Variants in OSBPL6 observed in about 807,000 individuals in gnomAD.
OSBPL6 encodes oxysterol-binding protein-related protein 6.
In OSBPL6, 49 loss-of-function variants were observed where a neutral mutation model predicts 125.8. The observed-to-expected ratio is 0.39, with a 90% CI of 0.31 to 0.49. OSBPL6 has a LOEUF of 0.49. Ranked by LOEUF, OSBPL6 falls within the 20% of genes least tolerant of loss-of-function variation. The pLI, the probability that OSBPL6 is intolerant of heterozygous loss-of-function variation, is 0.88. For synonymous variants in OSBPL6, 394 were observed against 391.8 expected, an observed-to-expected ratio of 1.01 and a Z score of -0.07; for missense variants, 986 against 1,135.4, an observed-to-expected ratio of 0.87 and a Z score of 1.89.
At chr2:178,240,784 TCAC>T (rs2091258646) in intron 1 of OSBPL6, among the ~76,000 whole-genome samples, 3 of 152,156 alleles carry the variant, frequency 2.0e-5, no homozygotes, top group Non-Finnish European at 2.9e-5. Context: ...TGAGAACCAT[TCAC>T]ATAATCACTT....
intron 1 of OSBPL6, among the ~76,000 whole-genome samples, chr2:178,251,768 C>T (rs969489366): frequency 1.3e-5 from 2 of 152,154 alleles, no homozygotes; most frequent in African/African-American, 2.4e-5. Flanking sequence ...TAGGCACTGG[C>T]GCCAAATGGA....
intron 21 of OSBPL6, among the ~76,000 whole-genome samples, chr2:178,389,619 C>T (rs1695236388): frequency 6.6e-6 from 1 of 152,162 alleles, no homozygotes; most frequent in Admixed American, 6.5e-5. Flanking sequence ...TCCAACCCTG[C>T]CACTGTTATA....
At chr2:178,260,217 A>C (rs1429185138) in intron 1 of OSBPL6, among the ~76,000 whole-genome samples, 3 of 152,172 alleles carry the variant, frequency 2.0e-5, no homozygotes, top group African/African-American at 7.2e-5. Flanking sequence ...TGACCAATGA[A>C]TTGTTTTTTT....
intron 5 of OSBPL6, among the ~76,000 whole-genome samples, chr2:178,330,221 AC>A (rs35801783): frequency 0.26 from 40,054 of 152,122 alleles, 5,554 homozygotes; most frequent in Admixed American, 0.39. Context: ...AGAAATGGAA[AC>A]CACAGGAAAA....
In OSBPL6 at chr2:178,209,359, A is replaced by G. The variant is rs546971432; in HGVS notation, c.-351+14685A>G. Among the ~76,000 whole-genome samples the G allele has an allele frequency of 3.8e-5, 4 of 104,110 alleles. No homozygotes were observed. The South Asian group carries it at 1.2e-3, about 32-fold the overall frequency. The allele number at this position is 104,110 out of a possible 152,430, so 68.3% of individuals were successfully genotyped here. The stretch of plus-strand genomic sequence containing the variant: ...ACTTTATTTCCCTTTTCCTCTTTTT[A>G]TTTTCTGGGTTTTCAAAGAGGCAAT... On this transcript the variant is annotated intron_variant, in intron 1 of 24. Coordinates refer to ENST00000190611, the MANE Select transcript of OSBPL6 (RefSeq NM_032523.4).
intron 1 of OSBPL6, among the ~76,000 whole-genome samples, chr2:178,236,335 A>G (rs2091051365): frequency 6.6e-6 from 1 of 152,214 alleles, no homozygotes; most frequent in Admixed American, 6.5e-5. Context: ...CTTGGATGTA[A>G]AGTTTGGATT....
intron 1 of OSBPL6, among the ~76,000 whole-genome samples, chr2:178,258,198 T>C (rs2091946545): frequency 6.6e-6 from 1 of 152,068 alleles, no homozygotes; most frequent in East Asian, 1.9e-4. Flanking sequence ...CCTCCCCAAT[T>C]CAAGCGCTTC....
At chr2:178,267,164 G>C (rs962403382) in intron 1 of OSBPL6, among the ~76,000 whole-genome samples, 7 of 152,088 alleles carry the variant, frequency 4.6e-5, no homozygotes, top group Admixed American at 3.9e-4. Context: ...GACCAGCCTA[G>C]CCAACATGGG....
At chr2:178,321,242 A>G (rs539399611) in intron 3 of OSBPL6, among the ~76,000 whole-genome samples, 1 of 152,244 alleles carries the variant, frequency 6.6e-6, no homozygotes, top group Non-Finnish European at 1.5e-5. Context: ...AATTCCACAC[A>G]TTTTTGACTG....
At chr2:178,305,286 G>A (rs1686658313) in intron 2 of OSBPL6, among the ~76,000 whole-genome samples, 2 of 152,184 alleles carry the variant, frequency 1.3e-5, no homozygotes, top group Admixed American at 1.3e-4. Context: ...CTGTGTTGGA[G>A]ACAAGGCCAA....
chr2:178,308,548 C>T lies in OSBPL6; in HGVS notation c.102+2262C>T, dbSNP rs1282256114. Among the ~76,000 whole-genome samples the T allele has an allele frequency of 3.3e-5, 5 of 152,296 alleles. No homozygotes were observed. In the East Asian group the frequency reaches 9.6e-4, roughly 29 times the overall value. On this transcript the variant is annotated intron_variant, in intron 3 of 24. Transcript: ENST00000190611. ...GTGGTATCTTAATGCACATTATTTGCCTTTCCTTCTCAAGTTCTAATCGTA... is the reference window on the plus strand; with the variant it reads ...GTGGTATCTTAATGCACATTATTTGTCTTTCCTTCTCAAGTTCTAATCGTA...
intron 1 of OSBPL6, among the ~76,000 whole-genome samples, chr2:178,266,531 C>T (rs1409230007): frequency 2.0e-5 from 3 of 152,142 alleles, no homozygotes; most frequent in Non-Finnish European, 4.4e-5. Flanking sequence ...CAGCTTGCTC[C>T]GTCTGTAAGG....
chr2:178,241,204 C>T (rs922379973), intron 1 of OSBPL6, among the ~76,000 whole-genome samples: 1 of 151,272 alleles, frequency 6.6e-6, no homozygotes, highest in Admixed American at 6.6e-5. Context: ...ACTCTGGACT[C>T]CTGGGTTCAA....
At chr2:178,368,978 G>A (rs1043036895) in intron 13 of OSBPL6, among the ~76,000 whole-genome samples, 1 of 151,970 alleles carries the variant, frequency 6.6e-6, no homozygotes, top group Admixed American at 6.6e-5. Flanking sequence ...TGTATTGTTA[G>A]TAGAGTTGGG....
intron 1 of OSBPL6, among the ~76,000 whole-genome samples, chr2:178,233,345 C>T (rs1039813151): frequency 8.5e-5 from 13 of 152,176 alleles, no homozygotes; most frequent in Non-Finnish European, 1.8e-4. Flanking sequence ...GCGAACCAGC[C>T]TTGCTCTCTG....
At chr2:178,374,407 C>G (rs1485548892) in intron 15 of OSBPL6, among the ~76,000 whole-genome samples, 1 of 152,224 alleles carries the variant, frequency 6.6e-6, no homozygotes, top group Admixed American at 6.5e-5. Flanking sequence ...TGCGCATACA[C>G]AGACACATAC....
At chr2:178,383,861 T>C (rs1054992455) in intron 17 of OSBPL6, among the ~76,000 whole-genome samples, 178 bp from the exon 18 acceptor site, 2 of 152,222 alleles carry the variant, frequency 1.3e-5, no homozygotes, top group African/African-American at 4.8e-5. Context: ...TTTTACCTAA[T>C]CTTACCTATT....
At chr2:178,195,341 CG>C (rs2088820897) in intron 1 of OSBPL6, among the ~76,000 whole-genome samples, 1 of 152,200 alleles carries the variant, frequency 6.6e-6, no homozygotes, top group African/African-American at 2.4e-5. Context: ...TGGTTCAGAC[CG>C]GGACAGCGTT....
intron 2 of OSBPL6, among the ~76,000 whole-genome samples, chr2:178,291,040 AACT>A (rs1685209740): frequency 1.3e-5 from 2 of 152,214 alleles, no homozygotes; most frequent in South Asian, 4.1e-4. Context: ...TCAGCATGAA[AACT>A]ACTAATTATT....
Sources: allele counts gnomAD v4.1 joint callset (sites outside exome capture counted in the v4.1 genomes callset), GRCh38; gene constraint gnomAD v4.1.1; transcripts MANE v1.5; gene names NCBI Gene and HGNC (gene_info 2026-07-23, HGNC 2026-07-21).